The following SGPP2 variants were observed in gnomAD, a reference collection of about 807,000 sequenced individuals.
SGPP2 encodes sphingosine-1-phosphate phosphatase 2.
SGPP2 carries 30 observed loss-of-function variants against 33.9 expected under a neutral mutation model. The ratio of observed to expected loss-of-function variants is 0.89; its 90% CI spans 0.66 to 1.20. The LOEUF is 1.20. Among genes scored for constraint, SGPP2 ranks in the 50% most tolerant of loss-of-function variants. SGPP2 has a pLI of 0.00. For synonymous variants in SGPP2, 233 were observed against 225.0 expected, an observed-to-expected ratio of 1.04 and a Z score of -0.32; for missense variants, 458 against 532.1, an observed-to-expected ratio of 0.86 and a Z score of 1.37.
chr2:222,464,041 C>G (rs1013104391), intron 1 of SGPP2, among the ~76,000 whole-genome samples: 5 of 152,140 alleles, frequency 3.3e-5, no homozygotes, highest in African/African-American at 4.8e-5. Context: ...CCTTCTCGAA[C>G]ATCATACAGC....
chr2:222,500,105 C>T (rs567962272), intron 2 of SGPP2, among the ~76,000 whole-genome samples: 1 of 152,306 alleles, frequency 6.6e-6, no homozygotes, highest in East Asian at 1.9e-4. Context: ...CCTGTGCTTC[C>T]AGGCTTGGAT....
At position 222,480,923 on chromosome 2, in the gene SGPP2, G is replaced by A. The variant is rs138873828; in HGVS notation, c.378+6197G>A. ...GTGGTACATATGCAGCCATAAAAAG[G>A]AATGAGATCATGTCCTTTGCCAGTA... is the stretch of plus-strand genomic sequence containing the variant. On this transcript the variant is annotated intron_variant, in intron 2 of 4. Coordinates refer to ENST00000321276, the MANE Select transcript of SGPP2 (RefSeq NM_152386.4). Among the ~76,000 whole-genome samples the A allele has an allele frequency of 6.6e-5, 10 of 152,312 alleles. No individual in the cohort carries two copies. In the East Asian group the frequency reaches 1.9e-3, roughly 29 times the overall value.
intron 2 of SGPP2, among the ~76,000 whole-genome samples, chr2:222,508,338 A>G (rs1268184323): frequency 6.6e-6 from 1 of 152,210 alleles, no homozygotes; most frequent in Non-Finnish European, 1.5e-5. Context: ...TGGTGAAACA[A>G]TGATAAAATT....
At chr2:222,504,101 T>A (rs1271478800) in intron 2 of SGPP2, 1 of 152,244 alleles carries the variant, frequency 6.6e-6, no homozygotes, top group Non-Finnish European at 1.5e-5. Context: ...GCCTCCTTGA[T>A]GTCATTATAT....
At chr2:222,491,847 G>A (rs1327986611) in intron 2 of SGPP2, among the ~76,000 whole-genome samples, 1 of 152,146 alleles carries the variant, frequency 6.6e-6, no homozygotes, top group Non-Finnish European at 1.5e-5. Flanking sequence ...CTATCAACCA[G>A]TAAAATCAAA....
chr2:222,441,159 G>T (rs913887119), intron 1 of SGPP2, among the ~76,000 whole-genome samples: 3 of 152,210 alleles, frequency 2.0e-5, no homozygotes, highest in African/African-American at 7.2e-5. Context: ...TATTCTCAAT[G>T]GTGAGGCCCA....
intron 2 of SGPP2, among the ~76,000 whole-genome samples, chr2:222,484,639 A>G (rs1698077584): frequency 6.6e-6 from 1 of 152,150 alleles, no homozygotes; most frequent in Non-Finnish European, 1.5e-5. Flanking sequence ...GCCAAGTTAC[A>G]TGTAGACCCC....
chr2:222,531,342 T>C (rs188771189), intron 4 of SGPP2, among the ~76,000 whole-genome samples: 4 of 152,278 alleles, frequency 2.6e-5, no homozygotes, highest in Admixed American at 2.6e-4. Context: ...AGTATTAGCC[T>C]TAAAAGGGTG....
At chr2:222,557,840 T>A (rs1442245324) in intron 4 of SGPP2, among the ~76,000 whole-genome samples, 2 of 152,194 alleles carry the variant, frequency 1.3e-5, no homozygotes, top group Non-Finnish European at 2.9e-5. Context: ...TGCTACCACA[T>A]CCAAATGTCT....
chr2:222,501,891 T>C (rs960974104), intron 2 of SGPP2, among the ~76,000 whole-genome samples: 1 of 152,068 alleles, frequency 6.6e-6, no homozygotes, highest in Non-Finnish European at 1.5e-5. Context: ...ATGGTGGCAG[T>C]TGGAGAAGAC....
intron 2 of SGPP2, among the ~76,000 whole-genome samples, chr2:222,513,289 C>T (rs913229538): frequency 6.6e-6 from 1 of 152,166 alleles, no homozygotes; most frequent in African/African-American, 2.4e-5. Context: ...TTCTGCCAGA[C>T]CCAGTACTTC....
At chr2:222,436,847 G>A (rs181661880) in intron 1 of SGPP2, among the ~76,000 whole-genome samples, 134 of 152,334 alleles carry the variant, frequency 8.8e-4, no homozygotes, top group Middle Eastern at 3.4e-3. Flanking sequence ...CAACGGAATG[G>A]TGCCATATCG....
intron 1 of SGPP2, among the ~76,000 whole-genome samples, chr2:222,470,138 A>G (rs1038604704): frequency 6.6e-6 from 1 of 152,148 alleles, no homozygotes; most frequent in Non-Finnish European, 1.5e-5. Flanking sequence ...AAGGAGAGGG[A>G]GAGTAGCAGG....
chr2:222,531,047 T>G lies in SGPP2; in HGVS notation c.648+6014T>G, dbSNP rs151138932. Among the ~76,000 whole-genome samples, 3 of 152,186 alleles carry G rather than the reference T, an allele frequency of 2.0e-5. No homozygotes were observed. The East Asian group carries it at 5.8e-4, about 29-fold the overall frequency. ...AGATCCAGCCTCCAAAATAAATAAATAAAGTGAGAGACATGTGACTCTTCT... is the reference window on the plus strand; with the variant it reads ...AGATCCAGCCTCCAAAATAAATAAAGAAAGTGAGAGACATGTGACTCTTCT... On this transcript the variant is annotated intron_variant, in intron 4 of 4. Coordinates refer to ENST00000321276, the MANE Select transcript of SGPP2 (RefSeq NM_152386.4).
chr2:222,486,183 G>A (rs1400635891), intron 2 of SGPP2, among the ~76,000 whole-genome samples: 1 of 152,120 alleles, frequency 6.6e-6, no homozygotes, highest in Non-Finnish European at 1.5e-5. Context: ...CGGAAGCTGG[G>A]CCTTAGCCAG....
chr2:222,495,504 T>G (rs1698266303), intron 2 of SGPP2, among the ~76,000 whole-genome samples: 1 of 152,224 alleles, frequency 6.6e-6, no homozygotes, highest in African/African-American at 2.4e-5. Context: ...TTAGAGAATA[T>G]CCTCAAGATC....
intron 1 of SGPP2, among the ~76,000 whole-genome samples, chr2:222,425,862 A>G (rs1194312202): frequency 6.6e-6 from 1 of 152,178 alleles, no homozygotes; most frequent in Non-Finnish European, 1.5e-5. Context: ...GGAATGGAAT[A>G]TTATAGGCAT....
In SGPP2 at chr2:222,431,189, T is replaced by TA. The variant is rs71053081; in HGVS notation, c.219+6381dup. Among the ~76,000 whole-genome samples, 321 of 148,758 alleles carry TA rather than the reference T, an allele frequency of 2.2e-3. 2 individuals carry two copies. The highest frequency in any genetic ancestry group is 0.021 in the Middle Eastern group (6 of 286). On this transcript the variant is annotated intron_variant, in intron 1 of 4. Coordinates refer to ENST00000321276, the MANE Select transcript of SGPP2 (RefSeq NM_152386.4). ...CTTTTTATAAATTTCAAACTTTTCT[T>TA]AAAAAAAAAAAAAGTCTATTTAGGC...
chr2:222,516,795 T>C (rs2106129522), intron 2 of SGPP2, among the ~76,000 whole-genome samples: 1 of 152,308 alleles, frequency 6.6e-6, no homozygotes, highest in East Asian at 1.9e-4. Flanking sequence ...CAATAAATAT[T>C]TGTTTAATAA....
Sources: allele counts gnomAD v4.1 joint callset (sites outside exome capture counted in the v4.1 genomes callset), GRCh38; gene constraint gnomAD v4.1.1; transcripts MANE v1.5; gene names NCBI Gene and HGNC (gene_info 2026-07-23, HGNC 2026-07-21).